The following FARP1 variants were observed in gnomAD, a reference collection of about 807,000 sequenced individuals.
The protein encoded by FARP1 is FERM, ARHGEF and pleckstrin domain-containing protein 1.
Under a neutral mutation model 128.8 loss-of-function variants are expected in FARP1, and 52 were observed. The observed-to-expected ratio is 0.40, with a 90% CI of 0.32 to 0.51. FARP1 has a LOEUF of 0.51. Ranked by LOEUF, FARP1 falls within the 20% of genes least tolerant of loss-of-function variation. The pLI is 0.45. For missense variants in FARP1, 1,333 were observed against 1,367.9 expected (o/e 0.97, Z 0.40); for synonymous variants, 580 against 551.8 (o/e 1.05, Z -0.72).
At chr13:98,388,339 T>G (rs1220161427) in intron 8 of FARP1, 44 bp from the exon 9 acceptor site, 2 of 1,457,274 alleles carry the variant, frequency 1.4e-6, no homozygotes, top group Admixed American at 3.3e-5. Context: ...CCCAAGTTGC[T>G]TGTTATGCAT....
At chr13:98,195,830 G>A (rs140707496) in intron 1 of FARP1, among the ~76,000 whole-genome samples, 1 of 152,244 alleles carries the variant, frequency 6.6e-6, no homozygotes, top group East Asian at 1.9e-4. Flanking sequence ...TTCGAGACCA[G>A]CCTGGGCAAC....
intron 2 of FARP1, among the ~76,000 whole-genome samples, chr13:98,256,638 C>T (rs529888537): frequency 6.6e-6 from 1 of 151,518 alleles, no homozygotes; most frequent in Admixed American, 6.6e-5. Flanking sequence ...CAGTTCACTG[C>T]AACCTCCACC....
chr13:98,289,570 C>G (rs1256237516), intron 2 of FARP1, among the ~76,000 whole-genome samples: 4 of 152,180 alleles, frequency 2.6e-5, no homozygotes, highest in Non-Finnish European at 4.4e-5. Flanking sequence ...ACGTCTAGAT[C>G]TCATGCAAGG....
chr13:98,235,990 A>G (rs1594304640), intron 2 of FARP1, among the ~76,000 whole-genome samples: 1 of 151,656 alleles, frequency 6.6e-6, no homozygotes, highest in South Asian at 2.1e-4. Context: ...CACACAACTA[A>G]TTTTTGTATT....
In FARP1 at chr13:98,390,814, G is replaced by A. The variant is rs750458259; in HGVS notation, c.1022G>A (p.Gly341Asp). ...FSRGSSFRFSGRTQKQVLDYV... is the reference protein window; with the variant it reads ...FSRGSSFRFSDRTQKQVLDYV... Reference sequence around the variant, plus strand: ...CCCTGTTGTGGTCTCTGTTTCAGTGGTCGGACTCAGAAGCAGGTTCTCGAC... The same window carrying A: ...CCCTGTTGTGGTCTCTGTTTCAGTGATCGGACTCAGAAGCAGGTTCTCGAC... The change falls in exon 11 of 27, where the codon GGT (glycine) becomes GAT (aspartate). Residue 341 changes from glycine (G) to aspartate (D), a missense_variant and splice_region_variant. Around this residue, in one of 2 missense-constraint regions of FARP1, gnomAD observed 1,009 missense variants for 969.8 expected, o/e 1.04. Transcript: ENST00000319562. The A allele has an allele frequency of 4.3e-6, 7 of 1,612,570 alleles. No homozygotes were observed. Among genetic ancestry groups the A allele is most frequent in the South Asian group, 1.1e-5 (1 of 90,960 alleles).
chr13:98,386,041 TG>T (rs1890080463), intron 8 of FARP1: 1 of 511,348 alleles, frequency 2.0e-6, no homozygotes, highest in Admixed American at 3.5e-5. Context: ...CAGATTTGTT[TG>T]GTTTTATTGA....
At chr13:98,352,659 G>A (rs1888484206) in intron 3 of FARP1, among the ~76,000 whole-genome samples, 1 of 152,180 alleles carries the variant, frequency 6.6e-6, no homozygotes, top group Admixed American at 6.5e-5. Flanking sequence ...ATGTATCAAG[G>A]TCATAATGAT....
chr13:98,182,057 A>G (rs1431652155), intron 1 of FARP1, among the ~76,000 whole-genome samples: 1 of 151,322 alleles, frequency 6.6e-6, no homozygotes, highest in Non-Finnish European at 1.5e-5. Flanking sequence ...TGAGTTTGTG[A>G]GACTCTCTCC....
intron 2 of FARP1, chr13:98,329,229 T>C (rs1887376837): frequency 6.6e-6 from 1 of 152,250 alleles, no homozygotes; most frequent in Non-Finnish European, 1.5e-5. Flanking sequence ...TTAACATGTT[T>C]CCCTATCGAA....
chr13:98,389,937 G>A lies in FARP1; in HGVS notation c.856-20G>A, dbSNP rs370426971. 85 of 1,612,668 alleles carry A rather than the reference G, an allele frequency of 5.3e-5. No individual in the cohort carries two copies. The highest frequency in any genetic ancestry group is 1.6e-4 in the Middle Eastern group (1 of 6,080). ...TCTATGGGTAATGGAAAAAACCACCGTTGTATTTTCCCTTTTTAGAGTGCG... is the reference window on the plus strand; with the variant it reads ...TCTATGGGTAATGGAAAAAACCACCATTGTATTTTCCCTTTTTAGAGTGCG... On this transcript the variant is annotated intron_variant, in intron 9 of 26. Coordinates refer to ENST00000319562, the MANE Select transcript of FARP1 (RefSeq NM_005766.4).
chr13:98,259,882 AGTGTGTGT>A lies in FARP1; in HGVS notation c.171+46500_171+46507del, dbSNP rs60886784. ...ATGGGAAATTTAAAGATACCTGAAA[AGTGTGTGT>A]GTGTGTGTGTGTGTGTGTGTGTGTG... On this transcript the variant is annotated intron_variant, in intron 2 of 26. Transcript: ENST00000319562. Among the ~76,000 whole-genome samples, 640 of 128,864 alleles carry A rather than the reference AGTGTGTGT, an allele frequency of 5.0e-3. 4 individuals carry two copies. The highest frequency in any genetic ancestry group is 5.8e-3 in the Non-Finnish European group (353 of 60,966). The allele number at this position is 128,864 out of a possible 152,430, so 84.5% of individuals were successfully genotyped here. A position where few individuals can be genotyped will look rare whatever the true frequency, so the allele number is the denominator to read the frequency against.
chr13:98,241,314 A>G (rs371452299), intron 2 of FARP1, among the ~76,000 whole-genome samples: 2 of 148,608 alleles, frequency 1.3e-5, no homozygotes. Flanking sequence ...CTGGGGGCCC[A>G]GAAGCTTTTG....
chr13:98,195,461 T>G (rs1239486774), intron 1 of FARP1, among the ~76,000 whole-genome samples: 1 of 152,192 alleles, frequency 6.6e-6, no homozygotes, highest in Non-Finnish European at 1.5e-5. Context: ...TCTGCAGTTT[T>G]AAACTATATT....
intron 2 of FARP1, chr13:98,234,053 T>A (rs1882290662): frequency 6.6e-6 from 1 of 152,284 alleles, no homozygotes; most frequent in African/African-American, 2.4e-5. Context: ...AGTACGCTTC[T>A]AAGCTTTCAT....
intron 8 of FARP1, 93 bp downstream of exon 8, chr13:98,385,907 C>A: frequency 7.5e-7 from 1 of 1,331,362 alleles, no homozygotes; most frequent in South Asian, 1.3e-5. Flanking sequence ...GGGCTAAGAC[C>A]TCTGATGGTT....
chr13:98,360,275 T>C (rs1253515850), intron 3 of FARP1, among the ~76,000 whole-genome samples: 1 of 152,110 alleles, frequency 6.6e-6, no homozygotes, highest in East Asian at 1.9e-4. Context: ...TTTATACTTT[T>C]AGTAGAGATG....
chr13:98,312,773 C>T (rs185649064), intron 2 of FARP1, among the ~76,000 whole-genome samples: 4 of 152,198 alleles, frequency 2.6e-5, no homozygotes, highest in Admixed American at 1.3e-4. Context: ...AACAGAGCCG[C>T]GGCGTTTTCT....
chr13:98,210,327 T>A (rs913839115), intron 1 of FARP1, among the ~76,000 whole-genome samples: 1 of 152,060 alleles, frequency 6.6e-6, no homozygotes, highest in Non-Finnish European at 1.5e-5. Flanking sequence ...CTTTTTTGGT[T>A]ATACATTCAC....
At chr13:98,347,339 T>C (rs1594429056) in intron 3 of FARP1, among the ~76,000 whole-genome samples, 1 of 152,200 alleles carries the variant, frequency 6.6e-6, no homozygotes, top group African/African-American at 2.4e-5. Context: ...ACATGTACTT[T>C]GTCGTAGAGC....
Sources: gnomAD v4.1 joint callset for allele counts (sites outside exome capture counted in the v4.1 genomes callset) on GRCh38, gnomAD v4.1.1 for gene constraint, gnomAD v4.1.1 regional missense constraint, MANE v1.5 for transcripts, NCBI Gene and HGNC (gene_info 2026-07-23, HGNC 2026-07-21) for gene names.